ADGRB1: variants seen among roughly 807,000 people sequenced by gnomAD.
ADGRB1 encodes brain-specific angiogenesis inhibitor 1.
Under a neutral mutation model 175.7 loss-of-function variants are expected in ADGRB1, and 36 were observed. The observed-to-expected ratio is 0.20, with a 90% CI of 0.16 to 0.27. ADGRB1 has a LOEUF of 0.27. Among genes scored for constraint, ADGRB1 ranks in the 10% least tolerant of loss-of-function variants. ADGRB1 has a pLI of 1.00. For synonymous variants in ADGRB1, 1,054 were observed against 979.4 expected, an observed-to-expected ratio of 1.08 and a Z score of -1.42; for missense variants, 1,731 against 2,255.3, an observed-to-expected ratio of 0.77 and a Z score of 4.71.
intron 25 of ADGRB1, among the ~76,000 whole-genome samples, chr8:142,533,709 C>G (rs1468314839): frequency 1.3e-5 from 2 of 152,180 alleles, no homozygotes; most frequent in Non-Finnish European, 2.9e-5. Context: ...TGCGCCCGCA[C>G]TGGCTTGGGG....
intron 1 of ADGRB1, among the ~76,000 whole-genome samples, chr8:142,451,607 G>T (rs1587227517): frequency 6.6e-6 from 1 of 152,088 alleles, no homozygotes; most frequent in African/African-American, 2.4e-5. Context: ...CTGCTCTCCC[G>T]CTCCATCCTG....
intron 2 of ADGRB1, among the ~76,000 whole-genome samples, chr8:142,468,432 G>A (rs1840404940): frequency 6.6e-6 from 1 of 152,202 alleles, no homozygotes; most frequent in Non-Finnish European, 1.5e-5. Flanking sequence ...TTGTCATCTT[G>A]TGCAGGATGG....
In ADGRB1 at chr8:142,528,433, G is replaced by A. The variant is rs28680911; in HGVS notation, c.3398+1806G>A. Among the ~76,000 whole-genome samples the A allele has an allele frequency of 6.3e-3, 960 of 152,292 alleles. 9 individuals are homozygous for A. The highest frequency in any genetic ancestry group is 0.022 in the African/African-American group (895 of 41,564). On this transcript the variant is annotated intron_variant, in intron 24 of 30. Coordinates refer to ENST00000517894, the MANE Select transcript of ADGRB1 (RefSeq NM_001702.3). ...AGCCCCCAGGACCGTCCCTGTTGGG[G>A]CCCAGGCTGGACTCCTGAGGGGCTG...
At chr8:142,529,464 C>T (rs975704676) in intron 24 of ADGRB1, among the ~76,000 whole-genome samples, 3 of 152,186 alleles carry the variant, frequency 2.0e-5, no homozygotes, top group Non-Finnish European at 2.9e-5. Context: ...GTGGAGTTCT[C>T]TGCCGCCAGT....
intron 24 of ADGRB1, among the ~76,000 whole-genome samples, chr8:142,530,316 G>T (rs1403663671): frequency 1.3e-5 from 2 of 152,134 alleles, no homozygotes; most frequent in African/African-American, 4.8e-5. Context: ...CAGGGTCAGG[G>T]GCTGATCTGC....
chr8:142,459,385 G>A (rs1447745642), intron 1 of ADGRB1, among the ~76,000 whole-genome samples: 2 of 152,166 alleles, frequency 1.3e-5, no homozygotes, highest in East Asian at 3.9e-4. Flanking sequence ...GCCAGCCCAG[G>A]GGAGCCGAGG....
At chr8:142,478,117 A>G in intron 6 of ADGRB1, 70 bp from the exon 7 acceptor site, 1 of 1,547,076 alleles carries the variant, frequency 6.5e-7, no homozygotes, top group South Asian at 1.2e-5. Flanking sequence ...GGGTGCTCAC[A>G]CCCACATTCC....
intron 17 of ADGRB1, among the ~76,000 whole-genome samples, chr8:142,501,621 T>C (rs1219897349): frequency 7.0e-6 from 1 of 143,002 alleles, no homozygotes; most frequent in Non-Finnish European, 1.5e-5. Context: ...TGTGTGGTTT[T>C]GACGATGGAG....
chr8:142,496,078 A>G (rs948560516), intron 17 of ADGRB1, among the ~76,000 whole-genome samples: 4 of 138,456 alleles, frequency 2.9e-5, no homozygotes, highest in African/African-American at 1.1e-4. Context: ...GGATAGAGGT[A>G]TGGATGGATG....
rs1019861072 is a variant in ADGRB1 at position 142,511,615 on chromosome 8, G to A, written c.2817+542G>A. 6.6e-6 allele frequency among the ~76,000 whole-genome samples: 1 copy of A among 152,142 alleles called. No individual in the cohort carries two copies. The highest frequency in any genetic ancestry group is 1.5e-5 in the Non-Finnish European group (1 of 68,006). Reference sequence around the variant, plus strand: ...ACCGCCCCCCAGGCCTCAGCACCTCGGGGCTTCCTTTTTGTTCCTGTGATT... The same window carrying A: ...ACCGCCCCCCAGGCCTCAGCACCTCAGGGCTTCCTTTTTGTTCCTGTGATT... On this transcript the variant is annotated intron_variant, in intron 18 of 30. Coordinates refer to ENST00000517894, the MANE Select transcript of ADGRB1 (RefSeq NM_001702.3). The surrounding 1 kb of genome is among the most constrained non-coding windows in gnomAD (Gnocchi z 4.5).
chr8:142,464,737 A>T lies in ADGRB1; in HGVS notation c.539A>T (p.Asn180Ile), dbSNP rs1199229009. The T allele has an allele frequency of 1.3e-6, 2 of 1,533,448 alleles. No homozygotes were observed. Among genetic ancestry groups the T allele is most frequent in the South Asian group, 1.2e-5 (1 of 83,896 alleles). The allele number at this position is 1,533,448 out of a possible 1,614,324, so 95.0% of individuals were successfully genotyped here. Residue 180 changes from asparagine (N) to isoleucine (I), a missense_variant, in exon 2 of 31, where the codon AAC becomes ATC. Around this residue, in one of 8 missense-constraint regions of ADGRB1, gnomAD observed 383 missense variants for 383.1 expected, o/e 1.00. Coordinates refer to ENST00000517894, the MANE Select transcript of ADGRB1 (RefSeq NM_001702.3). ...SVEYLVVGNR[N>I]PSRAACQMLC... ...GAGTACCTGGTGGTGGGGAACCGCA[A>T]CCCCAGCCGTGCCGCCTGCCAGATG...
intron 4 of ADGRB1, 56 bp from the exon 5 acceptor site, chr8:142,477,058 G>T: frequency 2.1e-6 from 3 of 1,457,368 alleles, no homozygotes; most frequent in Non-Finnish European, 2.7e-6. Flanking sequence ...GTCTGGCCCC[G>T]GTCTGACTGC....
chr8:142,476,747 TA>T (rs1181804221), intron 4 of ADGRB1, 52 bp downstream of exon 4: 16 of 1,457,748 alleles, frequency 1.1e-5, no homozygotes, highest in Non-Finnish European at 1.5e-5. Flanking sequence ...GAAAATACTG[TA>T]AGTTATCAAT....
At chr8:142,544,103 G>A in intron 30 of ADGRB1, 117 bp from the exon 31 acceptor site, 1 of 1,118,976 alleles carries the variant, frequency 8.9e-7, no homozygotes, top group African/African-American at 1.6e-5. Flanking sequence ...CCTGTCCCCT[G>A]TCCCCCACCT....
rs548761751 is a variant in ADGRB1 at position 142,526,093 on chromosome 8, G to A, written c.3313-449G>A. Among the ~76,000 whole-genome samples the A allele has an allele frequency of 2.3e-3, 351 of 152,282 alleles. 2 individuals carry two copies. Among genetic ancestry groups the A allele is most frequent in the African/African-American group, 8.1e-3 (338 of 41,566 alleles). ...CGCCCAGCCAGGGCCCTTATGGGGT[G>A]GGCAGTTAATCTGATGGGAATAGGG... On this transcript the variant is annotated intron_variant, in intron 23 of 30. Coordinates refer to ENST00000517894, the MANE Select transcript of ADGRB1 (RefSeq NM_001702.3).
chr8:142,538,492 G>A (rs548169392), intron 26 of ADGRB1, among the ~76,000 whole-genome samples: 2 of 152,324 alleles, frequency 1.3e-5, no homozygotes, highest in South Asian at 2.1e-4. Context: ...CTCCCCCAGC[G>A]TTTCTCCTGG....
intron 13 of ADGRB1, among the ~76,000 whole-genome samples, chr8:142,487,088 T>C (rs1841706691): frequency 6.6e-6 from 1 of 152,202 alleles, no homozygotes; most frequent in African/African-American, 2.4e-5. Flanking sequence ...ACACGACTGA[T>C]TGCTACTACT....
chr8:142,532,116 T>C lies in ADGRB1; in HGVS notation c.3399-1179T>C, dbSNP rs542868026. Reference sequence around the variant, plus strand: ...CCTGGGCCCCCTACTCCCTATTCAGTCCTCCTGCCCCAGCTCCCCCTGTGT... The same window carrying C: ...CCTGGGCCCCCTACTCCCTATTCAGCCCTCCTGCCCCAGCTCCCCCTGTGT... On this transcript the variant is annotated intron_variant, in intron 24 of 30. Coordinates refer to ENST00000517894, the MANE Select transcript of ADGRB1 (RefSeq NM_001702.3). Among the ~76,000 whole-genome samples, 323 of 152,150 alleles carry C rather than the reference T, an allele frequency of 2.1e-3. 2 individuals carry two copies. Among genetic ancestry groups the C allele is most frequent in the African/African-American group, 7.2e-3 (301 of 41,520 alleles).
In ADGRB1 at chr8:142,522,133, C is replaced by T. The variant is rs751658139; in HGVS notation, c.3175+18C>T. Reference sequence around the variant, plus strand: ...GGGCTGGGGTGAGCCGCGGCCTTCCCGACCCTCCTGGACAGATACCCTTCC... The same window carrying T: ...GGGCTGGGGTGAGCCGCGGCCTTCCTGACCCTCCTGGACAGATACCCTTCC... On this transcript the variant is annotated intron_variant, in intron 21 of 30. Coordinates refer to ENST00000517894, the MANE Select transcript of ADGRB1 (RefSeq NM_001702.3). 6 of 1,604,214 alleles carry T rather than the reference C, an allele frequency of 3.7e-6. No individual in the cohort carries two copies. Among genetic ancestry groups the T allele is most frequent in the South Asian group, 2.2e-5 (2 of 90,916 alleles).
Sources: allele counts gnomAD v4.1 joint callset (sites outside exome capture counted in the v4.1 genomes callset), GRCh38; gene constraint gnomAD v4.1.1; regional missense constraint gnomAD v4.1.1; non-coding constraint Gnocchi (gnomAD v3.1); transcripts MANE v1.5; gene names NCBI Gene and HGNC (gene_info 2026-07-23, HGNC 2026-07-21).